MYPN: variants seen among roughly 807,000 people sequenced by gnomAD.
MYPN encodes the protein myopalladin, also known as sarcomeric protein myopalladin, 145 kDa (MYOP).
A neutral mutation model predicts 129.4 loss-of-function variants in MYPN; 63 were observed. That is an observed-to-expected ratio of 0.49 (90% CI 0.40 to 0.60). MYPN has a LOEUF of 0.60. Among genes scored for constraint, MYPN ranks in the 20% least tolerant of loss-of-function variants. MYPN has a pLI of 0.00. For missense variants in MYPN, 1,596 were observed against 1,635.4 expected (o/e 0.98, Z 0.42); for synonymous variants, 629 against 600.9 (o/e 1.05, Z -0.68).
intron 17 of MYPN, among the ~76,000 whole-genome samples, chr10:68,200,986 C>A (rs926189386): frequency 1.3e-5 from 2 of 152,222 alleles, no homozygotes; most frequent in African/African-American, 2.4e-5. Context: ...CATGAGGTAC[C>A]TTTACCTAAA....
intron 6 of MYPN, among the ~76,000 whole-genome samples, chr10:68,150,352 C>T (rs936271589): frequency 6.6e-6 from 1 of 152,118 alleles, no homozygotes. Context: ...GGCCATTATA[C>T]AACTGTTCAA....
chr10:68,123,602 C>T (rs937773273), intron 2 of MYPN, among the ~76,000 whole-genome samples: 6 of 151,320 alleles, frequency 4.0e-5, no homozygotes, highest in African/African-American at 7.3e-5. Flanking sequence ...AGGAGACTGG[C>T]GTGAACCCGG....
At chr10:68,165,854 T>C (rs114650746) in intron 9 of MYPN, 36 bp downstream of exon 9, 10 of 1,504,074 alleles carry the variant, frequency 6.6e-6, no homozygotes, top group Middle Eastern at 3.4e-4. Flanking sequence ...GTTTAGCCTA[T>C]GACTTTGAGT....
chr10:68,167,693 A>G (rs1441731276), intron 10 of MYPN, among the ~76,000 whole-genome samples: 3 of 152,340 alleles, frequency 2.0e-5, no homozygotes, highest in Non-Finnish European at 4.4e-5. Flanking sequence ...ACTAGAAGCC[A>G]TTCGTGTTTA....
intron 10 of MYPN, among the ~76,000 whole-genome samples, chr10:68,167,356 G>C (rs1362347156): frequency 6.6e-6 from 1 of 152,054 alleles, no homozygotes; most frequent in African/African-American, 2.4e-5. Flanking sequence ...TAGTCATTAT[G>C]GAAAAACTAT....
intron 2 of MYPN, among the ~76,000 whole-genome samples, chr10:68,124,355 C>T (rs2042294888): frequency 6.6e-6 from 1 of 152,178 alleles, no homozygotes; most frequent in Admixed American, 6.5e-5. Context: ...CTGATTATTA[C>T]TAGAATATGA....
At position 68,133,021 on chromosome 10, in the gene MYPN, A is replaced by ATTTTT. The variant is rs35346306; in HGVS notation, c.903-9901_903-9897dup. Among the ~76,000 whole-genome samples the ATTTTT allele has an allele frequency of 0.011, 1,312 of 116,114 alleles. 90 individuals are homozygous for ATTTTT. In the East Asian group the frequency reaches 0.16, roughly 15 times the overall value. 76.2% of individuals were successfully genotyped at this position (116,114 alleles called of 152,430 possible). On this transcript the variant is annotated intron_variant, in intron 2 of 19. Coordinates refer to ENST00000358913, the MANE Select transcript of MYPN (RefSeq NM_032578.4). ...TATAGAATGCCATGTGTAGACCTCA[A>ATTTTT]TTTTTTTTTTTTTTTTTTTTTTGAG...
chr10:68,198,266 G>A (rs2043644586), intron 16 of MYPN, among the ~76,000 whole-genome samples: 1 of 152,174 alleles, frequency 6.6e-6, no homozygotes. Context: ...TGTGGCCTTT[G>A]AAAATTTATA....
intron 1 of MYPN, among the ~76,000 whole-genome samples, chr10:68,118,559 C>T (rs770076431): frequency 3.3e-5 from 5 of 152,090 alleles, no homozygotes; most frequent in African/African-American, 4.8e-5. Context: ...AGGCTAGGCA[C>T]GATGCCTCAT....
intron 8 of MYPN, among the ~76,000 whole-genome samples, chr10:68,164,736 C>G (rs1280335369): frequency 6.6e-6 from 1 of 152,122 alleles, no homozygotes; most frequent in East Asian, 1.9e-4. Flanking sequence ...GTGGTTCTAC[C>G]TGGGAATCAC....
At chr10:68,175,837 C>T (rs574713609) in intron 12 of MYPN, among the ~76,000 whole-genome samples, 5 of 152,318 alleles carry the variant, frequency 3.3e-5, no homozygotes, top group Middle Eastern at 3.4e-3. Flanking sequence ...TCACTGCAAC[C>T]TTGACCTCCT....
At chr10:68,112,239 T>C (rs987830501) in intron 1 of MYPN, among the ~76,000 whole-genome samples, 2 of 152,180 alleles carry the variant, frequency 1.3e-5, no homozygotes, top group South Asian at 4.1e-4. Context: ...CTATGGGCCA[T>C]AGGATTTATT....
chr10:68,117,455 G>C lies in MYPN; in HGVS notation c.-1-3983G>C, dbSNP rs74143019. On this transcript the variant is annotated intron_variant, in intron 1 of 19. Coordinates refer to ENST00000358913, the MANE Select transcript of MYPN (RefSeq NM_032578.4). ...GACAGTGAGCTTTGGGAGCACATTG[G>C]AGAGGTACCCAACTCAGGGAAGAGA... 5.9e-3 allele frequency among the ~76,000 whole-genome samples: 891 copies of C among 152,164 alleles called. 9 individuals are homozygous for C. The highest frequency in any genetic ancestry group is 0.021 in the African/African-American group (856 of 41,518).
chr10:68,093,593 A>AAG (rs1378586574), intron 1 of MYPN, among the ~76,000 whole-genome samples: 8 of 149,946 alleles, frequency 5.3e-5, no homozygotes, highest in South Asian at 2.1e-4. Context: ...AAAAAAAAAA[A>AAG]AGAAATACAA....
In MYPN at chr10:68,119,696, G is replaced by A. The variant is rs576940585; in HGVS notation, c.-1-1742G>A. Among the ~76,000 whole-genome samples, 40 of 152,312 alleles carry A rather than the reference G, an allele frequency of 2.6e-4. No individual in the cohort carries two copies. The East Asian group carries it at 2.7e-3, about 10-fold the overall frequency. ...CAAAGTGCTGGGATCATAGGCGTGC[G>A]CCGCTGTGCCCTGTCACCTTTGCAT... On this transcript the variant is annotated intron_variant, in intron 1 of 19. Coordinates refer to ENST00000358913, the MANE Select transcript of MYPN (RefSeq NM_032578.4).
intron 8 of MYPN, 151 bp from the exon 9 acceptor site, chr10:68,165,551 A>G (rs541066793): frequency 8.3e-6 from 6 of 721,392 alleles, no homozygotes; most frequent in Admixed American, 2.0e-5. Flanking sequence ...AGTCAATTCA[A>G]TCAAACAATT....
intron 2 of MYPN, among the ~76,000 whole-genome samples, chr10:68,139,458 A>G (rs1057405186): frequency 1.3e-5 from 2 of 151,958 alleles, no homozygotes; most frequent in Admixed American, 6.5e-5. Context: ...TTTTGTCTCT[A>G]TGGTTTTGTA....
intron 18 of MYPN, among the ~76,000 whole-genome samples, chr10:68,202,790 G>T (rs2134315906): frequency 6.6e-6 from 1 of 151,312 alleles, no homozygotes; most frequent in Middle Eastern, 3.4e-3. Flanking sequence ...AACGGAAATT[G>T]CCCCAGAGAA....
chr10:68,204,949 G>A (rs907797876), intron 18 of MYPN, among the ~76,000 whole-genome samples: 3 of 151,600 alleles, frequency 2.0e-5, no homozygotes, highest in African/African-American at 4.9e-5. Flanking sequence ...ACACCACCAC[G>A]CCTTTGTGCA....
Sources: allele counts gnomAD v4.1 joint callset (sites outside exome capture counted in the v4.1 genomes callset), GRCh38; gene constraint gnomAD v4.1.1; transcripts MANE v1.5; gene names NCBI Gene and HGNC (gene_info 2026-07-23, HGNC 2026-07-21).